The following NCEH1 variants were observed in gnomAD, a reference collection of about 807,000 sequenced individuals.
The protein encoded by NCEH1 is neutral cholesterol ester hydrolase 1.
NCEH1 carries 9 observed loss-of-function variants against 25.4 expected under a neutral mutation model. The observed-to-expected ratio is 0.35, with a 90% CI of 0.21 to 0.62. The LOEUF (loss-of-function observed/expected upper bound fraction) is 0.62. NCEH1 is among the 20% of genes least tolerant of loss of function. The pLI is 0.72. For missense variants in NCEH1, 412 were observed against 501.1 expected (o/e 0.82, Z 1.70); for synonymous variants, 200 against 199.8 (o/e 1.00, Z -0.01).
intron 1 of NCEH1, chr3:172,703,294 GC>G (rs1490250455): frequency 6.6e-6 from 1 of 152,096 alleles, no homozygotes; most frequent in African/African-American, 2.4e-5. Context: ...GAAGGCCAAG[GC>G]GGGTGGATAA....
chr3:172,676,112 C>T (rs1393462454), intron 1 of NCEH1, among the ~76,000 whole-genome samples: 1 of 152,318 alleles, frequency 6.6e-6, no homozygotes, highest in East Asian at 1.9e-4. Context: ...CACCCCCTAA[C>T]AGCAGTTAGG....
chr3:172,671,452 C>T (rs1209421431), intron 1 of NCEH1, among the ~76,000 whole-genome samples: 2 of 151,542 alleles, frequency 1.3e-5, no homozygotes, highest in Non-Finnish European at 2.9e-5. Context: ...TTTCATTGTA[C>T]CAGTTCCAGG....
At chr3:172,663,776 A>G (rs1718078495) in intron 1 of NCEH1, among the ~76,000 whole-genome samples, 1 of 152,066 alleles carries the variant, frequency 6.6e-6, no homozygotes, top group Admixed American at 6.6e-5. Flanking sequence ...AGAGACTAGG[A>G]TTGCAACCCC....
intron 1 of NCEH1, among the ~76,000 whole-genome samples, chr3:172,651,747 C>G (rs1717414474): frequency 6.6e-6 from 1 of 151,992 alleles, no homozygotes; most frequent in Non-Finnish European, 1.5e-5. Flanking sequence ...TTAGTAGAGA[C>G]AGGGTTTTGC....
At chr3:172,678,954 T>C (rs931526422) in intron 1 of NCEH1, among the ~76,000 whole-genome samples, 1 of 152,204 alleles carries the variant, frequency 6.6e-6, no homozygotes, top group Non-Finnish European at 1.5e-5. Flanking sequence ...TGCCAGAAGT[T>C]TTGCCACAAG....
chr3:172,643,126 T>C (rs1716940458), intron 3 of NCEH1, among the ~76,000 whole-genome samples: 1 of 152,026 alleles, frequency 6.6e-6, no homozygotes, highest in Non-Finnish European at 1.5e-5. Flanking sequence ...TTAGTAGAGA[T>C]GGGGTTTCTC....
chr3:172,653,730 G>GT (rs766282864), intron 1 of NCEH1, among the ~76,000 whole-genome samples: 32,425 of 97,706 alleles, frequency 0.33, 4,260 homozygotes, highest in East Asian at 0.65. Context: ...TGTTGTTGTT[G>GT]TTCTGTTTTT....
At chr3:172,651,568 T>C (rs999881818) in intron 1 of NCEH1, among the ~76,000 whole-genome samples, 3 of 152,110 alleles carry the variant, frequency 2.0e-5, no homozygotes, top group Non-Finnish European at 4.4e-5. Flanking sequence ...AGAATCTTTT[T>C]TTTTTTTTGA....
chr3:172,640,162 G>A (rs1023706253), intron 3 of NCEH1, among the ~76,000 whole-genome samples: 8 of 152,150 alleles, frequency 5.3e-5, no homozygotes, highest in South Asian at 2.1e-4. Flanking sequence ...AGATACATGC[G>A]GCATTCTGGA....
chr3:172,675,339 AAATG>A (rs1711931581), intron 1 of NCEH1, among the ~76,000 whole-genome samples: 1 of 126,802 alleles, frequency 7.9e-6, no homozygotes, highest in African/African-American at 3.0e-5. Context: ...ATAAATAAAT[AAATG>A]ATTTTGTGAG....
intron 4 of NCEH1, 58 bp downstream of exon 4, chr3:172,635,858 C>A: frequency 6.6e-7 from 1 of 1,518,766 alleles, no homozygotes; most frequent in South Asian, 1.2e-5. Context: ...GTGTGTTGGT[C>A]TGCTAGACCT....
chr3:172,694,386 GTGTGTGTC>G (rs1040928590), intron 1 of NCEH1, among the ~76,000 whole-genome samples: 8 of 148,302 alleles, frequency 5.4e-5, no homozygotes, highest in African/African-American at 1.8e-4. Context: ...ATATGTGTGT[GTGTGTGTC>G]TGTGTGTGTG....
At chr3:172,654,339 G>A (rs1425553737) in intron 1 of NCEH1, among the ~76,000 whole-genome samples, 2 of 152,158 alleles carry the variant, frequency 1.3e-5, no homozygotes, top group South Asian at 2.1e-4. Flanking sequence ...TGTGAAGACT[G>A]AAAACTAAGG....
chr3:172,657,951 T>C (rs974882133), intron 1 of NCEH1, among the ~76,000 whole-genome samples: 3 of 152,230 alleles, frequency 2.0e-5, no homozygotes, highest in Non-Finnish European at 2.9e-5. Flanking sequence ...CAGAGGTATG[T>C]GACCCAGAGC....
At chr3:172,682,452 G>A (rs1712435224) in intron 1 of NCEH1, among the ~76,000 whole-genome samples, 1 of 152,106 alleles carries the variant, frequency 6.6e-6, no homozygotes, top group Admixed American at 6.5e-5. Flanking sequence ...TAATGGTACA[G>A]GGATTCACCA....
At chr3:172,640,990 G>C (rs1047488982) in intron 3 of NCEH1, among the ~76,000 whole-genome samples, 2 of 152,048 alleles carry the variant, frequency 1.3e-5, no homozygotes, top group Non-Finnish European at 2.9e-5. Context: ...TTCATTAAAA[G>C]AACATATAAT....
intron 1 of NCEH1, among the ~76,000 whole-genome samples, chr3:172,652,798 C>T (rs747732570): frequency 1.6e-4 from 24 of 152,034 alleles, no homozygotes; most frequent in Non-Finnish European, 1.6e-4. Context: ...CTGGTTGAAG[C>T]GATTCTCCTG....
At chr3:172,677,050 A>G (rs1243325207) in intron 1 of NCEH1, among the ~76,000 whole-genome samples, 1 of 152,194 alleles carries the variant, frequency 6.6e-6, no homozygotes, top group East Asian at 1.9e-4. Flanking sequence ...GGACAGCAGC[A>G]TTTGTTTTCA....
At chr3:172,681,648 G>C (rs1382866568) in intron 1 of NCEH1, among the ~76,000 whole-genome samples, 1 of 151,664 alleles carries the variant, frequency 6.6e-6, no homozygotes, top group Non-Finnish European at 1.5e-5. Context: ...CCAACACTGT[G>C]GGAGGCCAAG....
Sources: gnomAD v4.1 joint callset for allele counts (sites outside exome capture counted in the v4.1 genomes callset) on GRCh38, gnomAD v4.1.1 for gene constraint, MANE v1.5 for transcripts, NCBI Gene and HGNC (gene_info 2026-07-23, HGNC 2026-07-21) for gene names.